The following MED13L variants were observed in gnomAD, a reference collection of about 807,000 sequenced individuals.
The protein encoded by MED13L is mediator complex subunit 13L.
In MED13L, 7 loss-of-function variants were observed where a neutral mutation model predicts 220.9. The ratio of observed to expected loss-of-function variants is 0.03; its 90% CI spans 0.02 to 0.06. The LOEUF is 0.06. Among genes scored for constraint, MED13L ranks in the 10% least tolerant of loss-of-function variants. The pLI is 1.00. For synonymous variants in MED13L, 1,011 were observed against 1,015.2 expected (o/e 1.00, Z 0.08); for missense variants, 1,965 against 2,760.5 (o/e 0.71, Z 6.46).
intron 4 of MED13L, among the ~76,000 whole-genome samples, chr12:116,039,324 T>C (rs1230709516): frequency 1.3e-5 from 2 of 152,168 alleles, no homozygotes; most frequent in African/African-American, 4.8e-5. Flanking sequence ...CAAAATGTCT[T>C]ACTCACTAGT....
At chr12:116,062,799 T>C (rs1869619280) in intron 4 of MED13L, among the ~76,000 whole-genome samples, 1 of 151,800 alleles carries the variant, frequency 6.6e-6, no homozygotes, top group South Asian at 2.1e-4. Context: ...CAGGTTGGAG[T>C]GAAAGCTTTT....
At chr12:116,247,700 T>C (rs7962198) in intron 1 of MED13L, among the ~76,000 whole-genome samples, 6,537 of 152,224 alleles carry the variant, frequency 0.043, 495 homozygotes, top group African/African-American at 0.15. Flanking sequence ...TATATATATA[T>C]ACACACACAT....
At chr12:116,009,841 A>G (rs1879284059) in intron 9 of MED13L, among the ~76,000 whole-genome samples, 1 of 152,200 alleles carries the variant, frequency 6.6e-6, no homozygotes, top group Non-Finnish European at 1.5e-5. Flanking sequence ...CTTCTTGGCA[A>G]GCATGGGTGT....
intron 17 of MED13L, among the ~76,000 whole-genome samples, chr12:115,990,624 A>G (rs527855840): frequency 6.6e-6 from 1 of 152,314 alleles, no homozygotes; most frequent in African/African-American, 2.4e-5. Context: ...GAGACTCTGG[A>G]AATGGCTAGA....
chr12:115,987,043 C>A (rs530625673), intron 18 of MED13L, 66 bp downstream of exon 18: 1 of 1,522,728 alleles, frequency 6.6e-7, no homozygotes. Context: ...TTGACAGTAA[C>A]TAACGCTGCT....
rs1873811754 is a variant in MED13L, at chr12:116,276,294, C to A, written c.72+766G>T. 23 of 448,608 alleles carry A rather than the reference C, an allele frequency of 5.1e-5. No individual in the cohort carries two copies. The South Asian group carries it at 5.8e-4, about 11-fold the overall frequency. The allele number at this position is 448,608 out of a possible 1,614,324, so 27.8% of individuals were successfully genotyped here. On this transcript the variant is annotated intron_variant, in intron 1 of 30. Coordinates refer to ENST00000281928, the MANE Select transcript of MED13L (RefSeq NM_015335.5). ...GATAAAAGCGATGTTATCAAACCGA[C>A]CAGCTTGTTGCTTTTGTGTGTGTGT...
intron 14 of MED13L, 110 bp downstream of exon 14, chr12:116,002,893 C>CA (rs1878832845): frequency 5.3e-6 from 5 of 945,116 alleles, no homozygotes; most frequent in Non-Finnish European, 8.4e-6. Flanking sequence ...AGAATTCTGT[C>CA]AAAAGGAAGG....
At chr12:116,149,681 A>C (rs910690811) in intron 2 of MED13L, among the ~76,000 whole-genome samples, 5 of 152,220 alleles carry the variant, frequency 3.3e-5, no homozygotes, top group African/African-American at 1.2e-4. Context: ...TAGAATAAGT[A>C]AACAGGGAGA....
chr12:115,984,088 G>T, intron 20 of MED13L, 92 bp downstream of exon 20: 1 of 1,367,898 alleles, frequency 7.3e-7, no homozygotes, highest in Non-Finnish European at 1.0e-6. Context: ...TGAGACAAAA[G>T]AAATATAATG....
intron 2 of MED13L, among the ~76,000 whole-genome samples, chr12:116,196,985 A>G (rs1881669214): frequency 6.6e-6 from 1 of 152,256 alleles, no homozygotes. Flanking sequence ...TCAAAGATAT[A>G]TAGTAGTTTG....
Position 115,970,601 on chromosome 12 carries a change from G to T in MED13L, c.6060C>A (p.Pro2020=). The T allele has an allele frequency of 6.2e-7, 1 of 1,613,622 alleles. No individual in the cohort carries two copies. Among genetic ancestry groups the T allele is most frequent in the Non-Finnish European group, 8.5e-7 (1 of 1,179,700 alleles). The part of the protein sequence containing the change: ...ANYPNEDGFS[P]NNDDMFVDLP... ...TACAGGTCTTCTACTCACCATTGTT[G>T]GGGCTAAACCCATCTTCATTGGGGT... The change falls in exon 27 of 31, where the codon CCC becomes CCA. Residue 2020 remains proline, a synonymous_variant. Coordinates refer to ENST00000281928, the MANE Select transcript of MED13L (RefSeq NM_015335.5).
intron 12 of MED13L, 63 bp from the exon 13 acceptor site, chr12:116,006,056 G>C: frequency 1.3e-6 from 2 of 1,597,968 alleles, no homozygotes; most frequent in Non-Finnish European, 1.7e-6. Context: ...GGAGTAGGGA[G>C]AGGACACGGA....
intron 2 of MED13L, among the ~76,000 whole-genome samples, chr12:116,128,579 C>T (rs1469029810): frequency 6.6e-6 from 1 of 151,994 alleles, no homozygotes; most frequent in African/African-American, 2.4e-5. Flanking sequence ...AACTTCTATC[C>T]CAATAAGAAA....
chr12:116,257,538 T>C (rs1023700142), intron 1 of MED13L, among the ~76,000 whole-genome samples: 1 of 152,126 alleles, frequency 6.6e-6, no homozygotes, highest in African/African-American at 2.4e-5. Flanking sequence ...TGCCATAAAC[T>C]AAGAACAGTG....
intron 1 of MED13L, among the ~76,000 whole-genome samples, chr12:116,242,172 G>A (rs1292373569): frequency 1.3e-5 from 2 of 150,124 alleles, no homozygotes; most frequent in East Asian, 4.0e-4. Context: ...AGCCTCCCAA[G>A]TAGGTGGGAT....
At chr12:116,026,432 C>A (rs1008209104) in intron 4 of MED13L, among the ~76,000 whole-genome samples, 1 of 152,076 alleles carries the variant, frequency 6.6e-6, no homozygotes, top group Non-Finnish European at 1.5e-5. Context: ...GGAAATATAA[C>A]AGAAGCCACC....
intron 4 of MED13L, among the ~76,000 whole-genome samples, chr12:116,082,303 G>A (rs1169863922): frequency 6.6e-6 from 1 of 152,176 alleles, no homozygotes; most frequent in Non-Finnish European, 1.5e-5. Flanking sequence ...GTATACTTAT[G>A]AGGAACAGGT....
intron 1 of MED13L, 34 bp downstream of exon 1, chr12:116,277,026 G>A (rs1427658079): frequency 1.3e-6 from 1 of 780,304 alleles, no homozygotes; most frequent in East Asian, 4.2e-5. Flanking sequence ...CCCCTTCCCC[G>A]GCACAGCCCC....
At chr12:116,043,361 A>C (rs761832833) in intron 4 of MED13L, among the ~76,000 whole-genome samples, 3 of 152,258 alleles carry the variant, frequency 2.0e-5, no homozygotes, top group African/African-American at 4.8e-5. Context: ...AGTCTGGTTC[A>C]GGGACCAATT....
Sources: allele counts gnomAD v4.1 joint callset (sites outside exome capture counted in the v4.1 genomes callset), GRCh38; gene constraint gnomAD v4.1.1; transcripts MANE v1.5; gene names NCBI Gene and HGNC (gene_info 2026-07-23, HGNC 2026-07-21).